The following BDP1 variants were observed in gnomAD, a reference collection of about 807,000 sequenced individuals.
BDP1 encodes BDP1 general transcription factor IIIB subunit.
Under a neutral mutation model 266.6 loss-of-function variants are expected in BDP1, and 169 were observed. That is an observed-to-expected ratio of 0.63 (90% CI 0.56 to 0.72). The LOEUF (loss-of-function observed/expected upper bound fraction) is 0.72, where lower values mean the gene tolerates loss of function less well. BDP1 is among the 30% of genes least tolerant of loss of function. BDP1 has a pLI of 0.00. For missense variants in BDP1, 3,015 were observed against 3,053.8 expected (o/e 0.99, Z 0.30); for synonymous variants, 1,090 against 1,022.4 (o/e 1.07, Z -1.26).
intron 16 of BDP1, among the ~76,000 whole-genome samples, chr5:71,506,625 AC>A (rs1336217467): frequency 6.6e-6 from 1 of 152,024 alleles, no homozygotes; most frequent in Non-Finnish European, 1.5e-5. Context: ...AAGAAAAGGT[AC>A]TTTATTAGAT....
At position 71,566,539 on chromosome 5, in the gene BDP1, G is replaced by A. The variant is rs1436851035; in HGVS notation, c.*1654G>A. On this transcript the variant is annotated 3_prime_UTR_variant, in exon 39 of 39. Transcript: ENST00000358731. Reference sequence around the variant, plus strand: ...ATTTGAAAAGCCTCTTGGATTGATAGTATAGTAGCTCAGGCATTGGAAACT... The same window carrying A: ...ATTTGAAAAGCCTCTTGGATTGATAATATAGTAGCTCAGGCATTGGAAACT... 2 of 152,138 alleles carry A rather than the reference G, an allele frequency of 1.3e-5. No individual in the cohort carries two copies. Among genetic ancestry groups the A allele is most frequent in the African/African-American group, 4.8e-5 (2 of 41,436 alleles). 9.4% of individuals were successfully genotyped at this position (152,138 alleles called of 1,614,324 possible). A position where few individuals can be genotyped will look rare whatever the true frequency, so the allele number is the denominator to read the frequency against.
At chr5:71,459,233 C>T (rs369649103) in intron 2 of BDP1, among the ~76,000 whole-genome samples, 8 of 152,226 alleles carry the variant, frequency 5.3e-5, no homozygotes, top group African/African-American at 1.7e-4. Flanking sequence ...AAGTATAGGC[C>T]GGGCGTGGTG....
At chr5:71,532,556 TAGTC>T in intron 26 of BDP1, 129 bp downstream of exon 26, 1 of 805,470 alleles carries the variant, frequency 1.2e-6, no homozygotes, top group East Asian at 2.9e-5. Context: ...AAGGAGCTGT[TAGTC>T]TGAGTAGTAA....
In BDP1 at chr5:71,489,594, G is replaced by A. The variant is rs201345280; in HGVS notation, c.1404G>A (p.Lys468=). 2 of 1,614,040 alleles carry A rather than the reference G, an allele frequency of 1.2e-6. No individual in the cohort carries two copies. The highest frequency in any genetic ancestry group is 1.7e-6 in the Non-Finnish European group (2 of 1,179,948). Residue 468 remains lysine, a synonymous_variant, in exon 10 of 39, where the codon AAG becomes AAA. Transcript: ENST00000358731. The part of the protein sequence containing the change: ...DLNQKKRRRK[K]QDGANELGVN... ...ATCAAAAGAAAAGAAGGAGGAAGAA[G>A]CAAGATGGAGCTAATGAACTGGGAG...
In BDP1 at chr5:71,509,905, C is replaced by A; in HGVS notation, c.2813C>A (p.Ser938Tyr). 1 of 1,613,828 alleles carries A rather than the reference C, an allele frequency of 6.2e-7. No individual in the cohort carries two copies. Among genetic ancestry groups the A allele is most frequent in the Non-Finnish European group, 8.5e-7 (1 of 1,179,966 alleles). ...DLEEAGRREI[S>Y]PQKNGPEEVK... ...GAAGAAGCTGGAAGAAGAGAAATAT[C>A]CCCACAGAAAAATGGCCCAGAGGAG... The change falls in exon 17 of 39, where the codon TCC becomes TAC. Residue 938 changes from serine to tyrosine, a missense_variant. Ser to Tyr is a moderately radical substitution (Grantham distance 144). Around this residue, in one of 3 missense-constraint regions of BDP1, gnomAD observed 2,383 missense variants for 2,404.9 expected, o/e 0.99. Transcript: ENST00000358731.
At chr5:71,509,352 A>G in intron 16 of BDP1, 113 bp from the exon 17 acceptor site, 1 of 1,246,756 alleles carries the variant, frequency 8.0e-7, no homozygotes, top group Non-Finnish European at 1.1e-6. Flanking sequence ...GCCTTCCTTA[A>G]TTTTTTTGAA....
rs1765275490 is a variant in BDP1 at position 71,517,346 on chromosome 5, A to G, written c.4885A>G (p.Ile1629Val). 1 of 1,598,302 alleles carries G rather than the reference A, an allele frequency of 6.3e-7. No homozygotes were observed. The highest frequency in any genetic ancestry group is 8.5e-7 in the Non-Finnish European group (1 of 1,175,810). The change falls in exon 22 of 39, where the codon ATT becomes GTT. Residue 1629 changes from isoleucine (I) to valine (V), a missense_variant. Around this residue, in one of 3 missense-constraint regions of BDP1, gnomAD observed 2,383 missense variants for 2,404.9 expected, o/e 0.99. Coordinates refer to ENST00000358731, the MANE Select transcript of BDP1 (RefSeq NM_018429.3). Reference protein sequence around the residue: ...TVSNSQIETEIEVPSSAVPEH... With the variant: ...TVSNSQIETEVEVPSSAVPEH... ...GTCAAATTCTCAAATTGAAACTGAA[A>G]TTGAAGTTCCATCGTCCGCAGTTCC...
In BDP1 at chr5:71,562,365, C is replaced by T. The variant is rs749535883; in HGVS notation, c.7588C>T (p.Arg2530Cys). The change falls in exon 38 of 39, where the codon CGC (arginine) becomes TGC (cysteine). Residue 2530 changes from arginine to cysteine, a missense_variant. Arg to Cys is a radical substitution (Grantham distance 180). Coordinates refer to ENST00000358731, the MANE Select transcript of BDP1 (RefSeq NM_018429.3). Reference protein sequence around the residue: ...DEPMQVHSKKRLKPLIPGLRK... With the variant: ...DEPMQVHSKKCLKPLIPGLRK... ...ACCTATGCAAGTCCATAGTAAGAAA[C>T]GCCTAAAACCTCTTATACCTGGATT... is the stretch of plus-strand genomic sequence containing the variant. 121 of 1,613,452 alleles carry T rather than the reference C, an allele frequency of 7.5e-5. 2 individuals are homozygous for T. Among genetic ancestry groups the T allele is most frequent in the South Asian group, 2.3e-4 (21 of 91,084 alleles).
At chr5:71,569,611 T>TAGCACGCGCCTGTGGTCCC, downstream of BDP1, among the ~76,000 whole-genome samples, 1 of 152,222 alleles carries the variant, frequency 6.6e-6, no homozygotes, top group East Asian at 1.9e-4. Flanking sequence ...CCAGGTGTGC[T>TAGCACGCGCCTGTGGTCCC]AGCACGCGCC....
Position 71,455,777 on chromosome 5 carries a change from T to C in BDP1, c.-101T>C, listed in dbSNP as rs906270113. 18 of 994,398 alleles carry C rather than the reference T, an allele frequency of 1.8e-5. No individual in the cohort carries two copies. The African/African-American group carries it at 2.4e-4, about 13-fold the overall frequency. 61.6% of individuals were successfully genotyped at this position (994,398 alleles called of 1,614,324 possible). On this transcript the variant is annotated 5_prime_UTR_variant, in exon 1 of 39. Coordinates refer to ENST00000358731, the MANE Select transcript of BDP1 (RefSeq NM_018429.3). ...GCCCCCTGAGCTGGTGGTGTGGCTTTGTGGGGAGGGCGTAGTTCCTAATCC... is the reference window on the plus strand; with the variant it reads ...GCCCCCTGAGCTGGTGGTGTGGCTTCGTGGGGAGGGCGTAGTTCCTAATCC...
chr5:71,516,434 A>C (rs1765227022), intron 21 of BDP1, among the ~76,000 whole-genome samples, 163 bp downstream of exon 21: 1 of 152,048 alleles, frequency 6.6e-6, no homozygotes, highest in African/African-American at 2.4e-5. Flanking sequence ...TTTTTTTTTA[A>C]GTGAAAATAG....
chr5:71,525,049 C>T (rs1158951202), intron 25 of BDP1, among the ~76,000 whole-genome samples: 24 of 152,264 alleles, frequency 1.6e-4, no homozygotes, highest in East Asian at 1.4e-3. Flanking sequence ...TACACAGACA[C>T]GGCAACCATC....
chr5:71,496,669 G>A (rs1022075525), intron 12 of BDP1, among the ~76,000 whole-genome samples: 2 of 152,092 alleles, frequency 1.3e-5, no homozygotes, highest in East Asian at 3.9e-4. Context: ...TGCAACCCCC[G>A]CCTCCCGGGT....
chr5:71,530,629 C>T (rs1766185264), intron 25 of BDP1, among the ~76,000 whole-genome samples: 1 of 152,096 alleles, frequency 6.6e-6, no homozygotes, highest in Non-Finnish European at 1.5e-5. Flanking sequence ...AAGCGACCCT[C>T]ACACCTCAGC....
At chr5:71,493,633 C>T (rs551323466) in intron 11 of BDP1, among the ~76,000 whole-genome samples, 1 of 152,088 alleles carries the variant, frequency 6.6e-6, no homozygotes, top group Non-Finnish European at 1.5e-5. Flanking sequence ...TACACAAGAA[C>T]AAAGGCTCAA....
intron 25 of BDP1, among the ~76,000 whole-genome samples, chr5:71,524,642 TTA>T (rs1335881212): frequency 0.01 from 1,213 of 117,346 alleles, 13 homozygotes; most frequent in African/African-American, 0.033. Context: ...TATTTTTTAT[TTA>T]TTTTTTTTTA....
chr5:71,536,875 TC>T (rs2150550889), intron 26 of BDP1, among the ~76,000 whole-genome samples: 1 of 151,966 alleles, frequency 6.6e-6, no homozygotes, highest in South Asian at 2.1e-4. Flanking sequence ...ACGCCTATAA[TC>T]CCAGCACTTT....
At chr5:71,489,772 A>G in intron 10 of BDP1, 90 bp downstream of exon 10, 1 of 1,126,218 alleles carries the variant, frequency 8.9e-7, no homozygotes, top group South Asian at 1.6e-5. Context: ...CTGTCTAGAT[A>G]GCAATTAATG....
At chr5:71,498,390 C>G (rs181343835) in intron 13 of BDP1, among the ~76,000 whole-genome samples, 2 of 151,982 alleles carry the variant, frequency 1.3e-5, no homozygotes, top group African/African-American at 4.8e-5. Context: ...GCCAGCTCAC[C>G]TGGTCAATAA....
Sources: allele counts gnomAD v4.1 joint callset (sites outside exome capture counted in the v4.1 genomes callset), GRCh38; gene constraint gnomAD v4.1.1; regional missense constraint gnomAD v4.1.1; transcripts MANE v1.5; gene names NCBI Gene and HGNC (gene_info 2026-07-23, HGNC 2026-07-21).